Variants in KLF7 observed in about 807,000 individuals in gnomAD.
KLF7 encodes Krueppel-like factor 7.
Under a neutral mutation model 27.3 loss-of-function variants are expected in KLF7, and 2 were observed. The ratio of observed to expected loss-of-function variants is 0.07; its 90% CI spans 0.03 to 0.23. KLF7 has a LOEUF of 0.23. KLF7 is among the 10% of genes least tolerant of loss of function. The pLI is 1.00. For synonymous variants in KLF7, 165 were observed against 162.4 expected (o/e 1.02, Z -0.12); for missense variants, 221 against 394.1 (o/e 0.56, Z 3.72).
Position 207,081,155 on chromosome 2 carries a change from T to C in KLF7, c.*58A>G. 1 of 1,519,776 alleles carries C rather than the reference T, an allele frequency of 6.6e-7. No homozygotes were observed. The allele number at this position is 1,519,776 out of a possible 1,614,324, so 94.1% of individuals were successfully genotyped here. A position where few individuals can be genotyped will look rare whatever the true frequency, so the allele number is the denominator to read the frequency against. ...CCCGCCTGAAGTCCAGCCCCCTGCC[T>C]CATGGCGTTTCCTTTAGACACTAGC... On this transcript the variant is annotated 3_prime_UTR_variant, in exon 4 of 4. Coordinates refer to ENST00000309446, the MANE Select transcript of KLF7 (RefSeq NM_003709.4).
Position 207,123,892 on chromosome 2 carries a change from C to T in KLF7, c.615G>A (p.Gly205=), listed in dbSNP as rs758251334. ...TTTCGGGACATGCTTCAGCCCCCAG[C>T]CCTCCTTGGTCACTGTCGCTCTGTC... is the stretch of plus-strand genomic sequence containing the variant. The part of the protein sequence containing the change: ...KSGQSDSDQG[G]LGAEACPENK... The change falls in exon 2 of 4, where the codon GGG becomes GGA. Residue 205 remains glycine, a synonymous_variant. Coordinates refer to ENST00000309446, the MANE Select transcript of KLF7 (RefSeq NM_003709.4). 2.5e-6 allele frequency: 4 copies of T among 1,613,920 alleles called. No individual in the cohort carries two copies. In the South Asian group the frequency reaches 4.4e-5, roughly 18 times the overall value.
Position 207,152,289 on chromosome 2 carries a change from ACACACACACACACACACACACG to A in KLF7, c.102+13156_102+13177del, listed in dbSNP as rs1288970936. Among the ~76,000 whole-genome samples the A allele has an allele frequency of 5.9e-4, 6 of 10,214 alleles. No homozygotes were observed. In the Non-Finnish European group the frequency reaches 0.042, roughly 71 times the overall value. 6.7% of individuals were successfully genotyped at this position (10,214 alleles called of 152,430 possible). A position where few individuals can be genotyped will look rare whatever the true frequency, so the allele number is the denominator to read the frequency against. On this transcript the variant is annotated intron_variant, in intron 1 of 3. Coordinates refer to ENST00000309446, the MANE Select transcript of KLF7 (RefSeq NM_003709.4). The stretch of plus-strand genomic sequence containing the variant: ...GTTTTTCTTACACACACACACACAC[ACACACACACACACACACACACG>A]GAGTTTTTACTACAACTGACCAGCT...
upstream of KLF7, among the ~76,000 whole-genome samples, chr2:207,171,999 C>A (rs781099041): frequency 6.6e-6 from 1 of 152,040 alleles, no homozygotes; most frequent in African/African-American, 2.4e-5. Context: ...GGTAAAGCAC[C>A]GGTTGGGGCC....
At chr2:207,141,289 G>C (rs1231405029) in intron 1 of KLF7, among the ~76,000 whole-genome samples, 1 of 152,132 alleles carries the variant, frequency 6.6e-6, no homozygotes, top group East Asian at 1.9e-4. Context: ...TTTCTGCTCA[G>C]TCTCCTAGAC....
chr2:207,124,333 C>T lies in KLF7; in HGVS notation c.174G>A (p.Leu58=), dbSNP rs2105989336. ...RRISETFGED[L]DCFLHASPPP... The stretch of plus-strand genomic sequence containing the variant: ...GAGGGGAAGCGTGGAGGAAACAGTC[C>T]AAGTCCTCACCAAAGGTCTCTGAGA... Residue 58 remains leucine, a synonymous_variant, in exon 2 of 4, where the codon TTG becomes TTA. Transcript: ENST00000309446. The T allele has an allele frequency of 1.2e-6, 2 of 1,607,880 alleles. No homozygotes were observed. The highest frequency in any genetic ancestry group is 2.2e-5 in the East Asian group (1 of 44,706).
intron 1 of KLF7, among the ~76,000 whole-genome samples, chr2:207,155,963 G>C (rs1027992093): frequency 2.0e-5 from 3 of 152,158 alleles, no homozygotes; most frequent in African/African-American, 7.2e-5. Flanking sequence ...CTGCTAACTC[G>C]GCTCTGGAAG....
At chr2:207,087,633 A>C (rs1449210843) in intron 3 of KLF7, among the ~76,000 whole-genome samples, 1 of 152,196 alleles carries the variant, frequency 6.6e-6, no homozygotes, top group African/African-American at 2.4e-5. Flanking sequence ...AAAGATGGTT[A>C]ATTTTCTTAA....
At position 207,081,083 on chromosome 2, in the gene KLF7, G is replaced by GTGTGTT; in HGVS notation, c.*129_*130insAACACA. 1.3e-6 allele frequency: 1 copy of GTGTGTT among 752,540 alleles called. No individual in the cohort carries two copies. Among genetic ancestry groups the GTGTGTT allele is most frequent in the Non-Finnish European group, 2.4e-6 (1 of 416,742 alleles). The allele number at this position is 752,540 out of a possible 1,614,324, so 46.6% of individuals were successfully genotyped here. ...TATATGTGTGTGTGTGTGTGTGTGT[G>GTGTGTT]TACAGAGGTTTATAAGTGAGAACTT... On this transcript the variant is annotated 3_prime_UTR_variant, in exon 4 of 4. Transcript: ENST00000309446.
At chr2:207,165,204 G>C (rs961317815) in intron 1 of KLF7, among the ~76,000 whole-genome samples, 2 of 152,104 alleles carry the variant, frequency 1.3e-5, no homozygotes, top group African/African-American at 2.4e-5. Flanking sequence ...ACCCGACAAC[G>C]TGTGCGCAGG....
At chr2:207,102,385 T>C (rs144659088) in intron 2 of KLF7, among the ~76,000 whole-genome samples, 62 of 152,288 alleles carry the variant, frequency 4.1e-4, no homozygotes, top group Admixed American at 1.1e-3. Context: ...ACTTTATACT[T>C]TGGAAGGGGG....
At chr2:207,108,775 C>T (rs781319457) in intron 2 of KLF7, among the ~76,000 whole-genome samples, 5 of 152,140 alleles carry the variant, frequency 3.3e-5, no homozygotes, top group Non-Finnish European at 7.3e-5. Context: ...TTTATTCTTA[C>T]GACTTCTAAC....
chr2:207,172,161 C>A (rs2078791889), upstream of KLF7, among the ~76,000 whole-genome samples: 1 of 152,024 alleles, frequency 6.6e-6, no homozygotes, highest in South Asian at 2.1e-4. Flanking sequence ...ACTGAAATTT[C>A]TCTCCCTCAA....
At chr2:207,161,547 C>A (rs1401650183) in intron 1 of KLF7, among the ~76,000 whole-genome samples, 1 of 152,140 alleles carries the variant, frequency 6.6e-6, no homozygotes, top group Non-Finnish European at 1.5e-5. Context: ...TAGCACCTGG[C>A]AGCCCAGGCC....
intron 2 of KLF7, among the ~76,000 whole-genome samples, chr2:207,089,804 C>G (rs1422100055): frequency 6.6e-6 from 1 of 152,062 alleles, no homozygotes; most frequent in Non-Finnish European, 1.5e-5. Context: ...TAGAACAATG[C>G]CTGGCATATG....
Position 207,077,294 on chromosome 2 carries a change from G to A in KLF7, c.*3919C>T, listed in dbSNP as rs2076191776. The A allele has an allele frequency of 6.6e-6, 1 of 152,158 alleles. No individual in the cohort carries two copies. The highest frequency in any genetic ancestry group is 1.5e-5 in the Non-Finnish European group (1 of 68,028). The allele number at this position is 152,158 out of a possible 1,614,324, so 9.4% of individuals were successfully genotyped here. A position where few individuals can be genotyped will look rare whatever the true frequency, so the allele number is the denominator to read the frequency against. ...AAGCCCCATTTCTTTCCCCTTTGATGCAAATAGACATGGATAATCTGGAAA... is the reference window on the plus strand; with the variant it reads ...AAGCCCCATTTCTTTCCCCTTTGATACAAATAGACATGGATAATCTGGAAA... On this transcript the variant is annotated 3_prime_UTR_variant, in exon 4 of 4. Coordinates refer to ENST00000309446, the MANE Select transcript of KLF7 (RefSeq NM_003709.4).
At chr2:207,118,509 T>TA (rs1360553486) in intron 2 of KLF7, among the ~76,000 whole-genome samples, 5 of 152,228 alleles carry the variant, frequency 3.3e-5, no homozygotes, top group Admixed American at 2.0e-4. Context: ...AGGTTACTTT[T>TA]AAAAAATTCA....
chr2:207,111,628 G>T (rs1284537968), intron 2 of KLF7, among the ~76,000 whole-genome samples: 1 of 152,168 alleles, frequency 6.6e-6, no homozygotes, highest in African/African-American at 2.4e-5. Flanking sequence ...AGGAGAACCA[G>T]GGGTTGAAGC....
chr2:207,155,595 T>C (rs1374211224), intron 1 of KLF7, among the ~76,000 whole-genome samples: 1 of 152,156 alleles, frequency 6.6e-6, no homozygotes, highest in Non-Finnish European at 1.5e-5. Context: ...GAGGAAATCA[T>C]CTCTTGATCC....
At position 207,165,658 on chromosome 2, in the gene KLF7, A is replaced by C; in HGVS notation, c.-90T>G. The C allele has an allele frequency of 6.3e-7, 1 of 1,583,904 alleles. No individual in the cohort carries two copies. The highest frequency in any genetic ancestry group is 8.6e-7 in the Non-Finnish European group (1 of 1,166,116). ...TGTCAGTCTGTCTGGCTCACCCCCC[A>C]AGAAGGCAGACATCCAGTGGCCCTT... On this transcript the variant is annotated 5_prime_UTR_variant, in exon 1 of 4. Coordinates refer to ENST00000309446, the MANE Select transcript of KLF7 (RefSeq NM_003709.4).
Sources: gnomAD v4.1 joint callset for allele counts (sites outside exome capture counted in the v4.1 genomes callset) on GRCh38, gnomAD v4.1.1 for gene constraint, MANE v1.5 for transcripts, NCBI Gene and HGNC (gene_info 2026-07-23, HGNC 2026-07-21) for gene names.